Variants in STXBP4 observed in about 807,000 individuals in gnomAD.
STXBP4 encodes the protein syntaxin-binding protein 4.
In STXBP4, 55 loss-of-function variants were observed where a neutral mutation model predicts 76.1. That is an observed-to-expected ratio of 0.72 (90% CI 0.58 to 0.91). STXBP4 has a LOEUF of 0.91. Ranked by LOEUF, STXBP4 falls within the 40% of genes least tolerant of loss-of-function variation. The probability of loss-of-function intolerance (pLI) is 0.00; values close to 1 mark genes in which losing one functional copy is unlikely to be tolerated. For synonymous variants in STXBP4, 201 were observed against 220.2 expected, an observed-to-expected ratio of 0.91 and a Z score of 0.77; for missense variants, 618 against 636.9, an observed-to-expected ratio of 0.97 and a Z score of 0.32.
At chr17:55,149,771 T>G (rs1312333741) in intron 17 of STXBP4, among the ~76,000 whole-genome samples, 20 of 152,200 alleles carry the variant, frequency 1.3e-4, no homozygotes, top group Admixed American at 1.3e-3. Flanking sequence ...CAGGATTTTC[T>G]GTAAATACCT....
At chr17:55,204,829 CACACACACACACACAA>C in the STXBP4 span, among the ~76,000 whole-genome samples, 21 of 75,732 alleles carry the variant, frequency 2.8e-4, no homozygotes, top group South Asian at 5.9e-4. Context: ...CACACACACA[CACACACACACACACAA>C]ACACACATAC....
chr17:55,180,927 A>G, the STXBP4 span, among the ~76,000 whole-genome samples: 4 of 152,214 alleles, frequency 2.6e-5, no homozygotes, highest in African/African-American at 9.6e-5. Context: ...TTCCTATTCC[A>G]AGACTTCATC....
intron 4 of STXBP4, 79 bp downstream of exon 4, chr17:54,991,036 T>C (rs1019942097): frequency 6.4e-6 from 9 of 1,403,496 alleles, no homozygotes; most frequent in Non-Finnish European, 8.4e-6. Context: ...TCTTCTTTAT[T>C]AGTGAATTTA....
At chr17:55,096,722 G>C (rs17818329) in intron 16 of STXBP4, among the ~76,000 whole-genome samples, 3,216 of 151,570 alleles carry the variant, frequency 0.021, 40 homozygotes, top group Non-Finnish European at 0.032. Context: ...AGAAACAAAA[G>C]CTCTCTTTGG....
At chr17:55,155,822 TG>T (rs1010062852) in intron 17 of STXBP4, among the ~76,000 whole-genome samples, 12 of 152,280 alleles carry the variant, frequency 7.9e-5, no homozygotes, top group African/African-American at 2.4e-4. Flanking sequence ...GTAATTATAA[TG>T]GGATTTAAAT....
Position 54,999,362 on chromosome 17 carries a change from A to G in STXBP4, c.198A>G (p.Pro66=). The G allele has an allele frequency of 6.2e-7, 1 of 1,611,482 alleles. No individual in the cohort carries two copies. Among genetic ancestry groups the G allele is most frequent in the Non-Finnish European group, 8.5e-7 (1 of 1,179,166 alleles). ...TTTGTTAGGATGGTCGTTTGAAGCC[A>G]GGAGATCAACTTGTCTCAGTCAACA... The part of the protein sequence containing the change: ...GDCYKDGRLK[P]GDQLVSVNKE... The change falls in exon 5 of 18, where the codon CCA becomes CCG. Residue 66 remains proline, a synonymous_variant. Transcript: ENST00000376352.
At chr17:55,054,949 G>A (rs1339963925) in intron 12 of STXBP4, among the ~76,000 whole-genome samples, 1 of 151,998 alleles carries the variant, frequency 6.6e-6, no homozygotes, top group Non-Finnish European at 1.5e-5. Flanking sequence ...GCATAAAAGG[G>A]GAAATTTGCT....
At chr17:55,094,404 G>A (rs1458230469) in intron 16 of STXBP4, among the ~76,000 whole-genome samples, 1 of 152,170 alleles carries the variant, frequency 6.6e-6, no homozygotes, top group African/African-American at 2.4e-5. Context: ...AGTAGCAAGA[G>A]TGAAGAAAGC....
In STXBP4 at chr17:55,158,027, ATTTGAC is replaced by A. The variant is rs1352425240; in HGVS notation, c.1548-1768_1548-1763del. ...AAACCTATTCAATTATGTCAAACTT[ATTTGAC>A]TGTAGAATTATATTCTTCACATAAC... On this transcript the variant is annotated intron_variant, in intron 17 of 17. Transcript: ENST00000376352. 5.9e-5 allele frequency among the ~76,000 whole-genome samples: 9 copies of A among 152,334 alleles called. No homozygotes were observed. The South Asian group carries it at 1.0e-3, about 18-fold the overall frequency.
At chr17:55,034,727 C>T (rs2078568897) in intron 10 of STXBP4, among the ~76,000 whole-genome samples, 3 of 152,044 alleles carry the variant, frequency 2.0e-5, no homozygotes, top group Admixed American at 2.0e-4. Flanking sequence ...CTCTCCTGCC[C>T]CCAGGTTCCT....
chr17:55,032,940 G>A (rs753361026), intron 9 of STXBP4, among the ~76,000 whole-genome samples: 13 of 152,078 alleles, frequency 8.5e-5, no homozygotes, highest in Non-Finnish European at 1.5e-4. Context: ...TTTAGTGCCC[G>A]ATTCTTAAAT....
At chr17:55,138,836 A>C (rs535582631) in intron 16 of STXBP4, among the ~76,000 whole-genome samples, 2 of 152,202 alleles carry the variant, frequency 1.3e-5, no homozygotes, top group African/African-American at 4.8e-5. Context: ...TTTTTGTATA[A>C]GGTAGGCTAT....
intron 12 of STXBP4, among the ~76,000 whole-genome samples, chr17:55,060,276 G>C (rs980895533): frequency 6.6e-5 from 10 of 152,044 alleles, no homozygotes; most frequent in Non-Finnish European, 1.5e-4. Flanking sequence ...CAGACCTATT[G>C]TTAATGAAAG....
chr17:54,990,059 GTCCTACTCCAAAGAAATAAGC>G (rs1446012227), intron 3 of STXBP4, among the ~76,000 whole-genome samples: 2 of 152,132 alleles, frequency 1.3e-5, no homozygotes. Flanking sequence ...ATACATTTTT[GTCCTACTCCAAAGAAATAAGC>G]ATTATCATTG....
the STXBP4 span, among the ~76,000 whole-genome samples, chr17:55,185,224 T>A: frequency 1.8e-5 from 1 of 56,832 alleles, no homozygotes; most frequent in African/African-American, 9.9e-5. Context: ...TTCTTCTTCT[T>A]CTTCTTCTTC....
chr17:55,175,317 G>A (rs1054861891), downstream of STXBP4, among the ~76,000 whole-genome samples: 35 of 152,188 alleles, frequency 2.3e-4, no homozygotes, highest in African/African-American at 8.4e-4. Flanking sequence ...TAGCAGAAAT[G>A]CTGAAAATTA....
chr17:55,066,195 G>T (rs2079048571), intron 12 of STXBP4, among the ~76,000 whole-genome samples: 1 of 148,970 alleles, frequency 6.7e-6, no homozygotes, highest in Non-Finnish European at 1.5e-5. Context: ...TGTGGGTTTT[G>T]TTGTTTTGTT....
chr17:55,211,985 AT>A, the STXBP4 span, among the ~76,000 whole-genome samples: 3,081 of 130,152 alleles, frequency 0.024, 81 homozygotes, highest in African/African-American at 0.07. Context: ...TAATTTTTGT[AT>A]TTTTTTTTTT....
At chr17:55,109,324 T>C (rs1247441883) in intron 16 of STXBP4, among the ~76,000 whole-genome samples, 1 of 152,158 alleles carries the variant, frequency 6.6e-6, no homozygotes, top group Non-Finnish European at 1.5e-5. Flanking sequence ...ATATGCCATA[T>C]ATACATTACA....
Sources: gnomAD v4.1 joint callset for allele counts (sites outside exome capture counted in the v4.1 genomes callset) on GRCh38, gnomAD v4.1.1 for gene constraint, MANE v1.5 for transcripts, NCBI Gene and HGNC (gene_info 2026-07-23, HGNC 2026-07-21) for gene names.